PTPN13: variants seen among roughly 807,000 people sequenced by gnomAD.
PTPN13 encodes protein tyrosine phosphatase non-receptor type 13.
PTPN13 carries 191 observed loss-of-function variants against 284.0 expected under a neutral mutation model. The observed-to-expected ratio is 0.67, with a 90% CI of 0.60 to 0.76. PTPN13 has a LOEUF of 0.76. Among genes scored for constraint, PTPN13 ranks in the 30% least tolerant of loss-of-function variants. The pLI, the probability that PTPN13 is intolerant of heterozygous loss-of-function variation, is 0.00. For missense variants in PTPN13, 2,797 were observed against 2,939.9 expected (o/e 0.95, Z 1.12); for synonymous variants, 986 against 1,022.3 (o/e 0.96, Z 0.68).
At chr4:86,744,799 A>C (rs533314775) in intron 16 of PTPN13, among the ~76,000 whole-genome samples, 167 bp from the exon 17 acceptor site, 65 of 152,322 alleles carry the variant, frequency 4.3e-4, no homozygotes, top group African/African-American at 1.3e-3. Flanking sequence ...ACAATGACAA[A>C]ATCGCCTCAT....
chr4:86,664,187 C>T (rs575611129), intron 2 of PTPN13, among the ~76,000 whole-genome samples: 1 of 152,278 alleles, frequency 6.6e-6, no homozygotes, highest in East Asian at 1.9e-4. Context: ...TTCTTAATTA[C>T]CTTAAACTCC....
At chr4:86,699,156 G>A (rs1281590978) in intron 6 of PTPN13, among the ~76,000 whole-genome samples, 1 of 152,084 alleles carries the variant, frequency 6.6e-6, no homozygotes, top group African/African-American at 2.4e-5. Flanking sequence ...GGGAGGCTGA[G>A]GTGGGCAGAT....
At chr4:86,794,282 G>C (rs1743050521) in intron 40 of PTPN13, among the ~76,000 whole-genome samples, 2 of 152,046 alleles carry the variant, frequency 1.3e-5, no homozygotes, top group African/African-American at 4.8e-5. Context: ...AATCATGTGT[G>C]AACTCCCATT....
At position 86,711,189 on chromosome 4, in the gene PTPN13, A is replaced by G. The variant is rs114468434; in HGVS notation, c.1196-5341A>G. On this transcript the variant is annotated intron_variant, in intron 7 of 47. Transcript: ENST00000411767. ...GCTGTCTGAATAAAGGCAAGGAAAT[A>G]TAAAATGGCCTATAAATAGGTAGGT... Among the ~76,000 whole-genome samples, 837 of 148,740 alleles carry G rather than the reference A, an allele frequency of 5.6e-3. 5 individuals are homozygous for G. The highest frequency in any genetic ancestry group is 8.9e-3 in the Non-Finnish European group (602 of 67,546).
rs987461155 is a variant in PTPN13 at position 86,768,057 on chromosome 4, A to G, written c.4489+81A>G. On this transcript the variant is annotated intron_variant, in intron 28 of 47. Transcript: ENST00000411767. ...ATTTGATTTTTACATGTTGGATTAC[A>G]GTTAATGCCCTAGTTTTGTTCATTA... The G allele has an allele frequency of 1.3e-5, 16 of 1,272,614 alleles. No homozygotes were observed. In the East Asian group the frequency reaches 3.6e-4, roughly 28 times the overall value. The allele number at this position is 1,272,614 out of a possible 1,614,324, so 78.8% of individuals were successfully genotyped here.
In PTPN13 at chr4:86,775,596, G is replaced by A. The variant is rs1166313767; in HGVS notation, c.5835G>A (p.Glu1945=). Residue 1945 remains glutamate, a synonymous_variant, in exon 35 of 48, where the codon GAG becomes GAA. Transcript: ENST00000411767. ...TCAGCACACAAGGAATGACCTTGGA[G>A]GAAGTTAACAGAGCATTAGACATGT... ...NGVSTQGMTL[E]EVNRALDMSL... The A allele has an allele frequency of 5.0e-6, 8 of 1,613,362 alleles. No homozygotes were observed. The highest frequency in any genetic ancestry group is 2.2e-5 in the South Asian group (2 of 90,856).
At chr4:86,718,953 T>A (rs1316814287) in intron 9 of PTPN13, among the ~76,000 whole-genome samples, 1 of 152,178 alleles carries the variant, frequency 6.6e-6, no homozygotes, top group Non-Finnish European at 1.5e-5. Context: ...GAGACAAAGA[T>A]CTATGCTTTA....
chr4:86,808,175 G>C (rs1040896113), intron 45 of PTPN13, among the ~76,000 whole-genome samples: 4 of 152,188 alleles, frequency 2.6e-5, no homozygotes, highest in African/African-American at 9.7e-5. Context: ...CTTGGTGATA[G>C]CACAAAATGG....
intron 17 of PTPN13, 83 bp downstream of exon 17, chr4:86,745,211 TA>T (rs1420655772): frequency 2.3e-6 from 3 of 1,323,158 alleles, no homozygotes; most frequent in Non-Finnish European, 3.1e-6. Flanking sequence ...CTGCCATGAT[TA>T]GGATGAAAAC....
intron 2 of PTPN13, among the ~76,000 whole-genome samples, chr4:86,666,577 G>C (rs2148870897): frequency 6.6e-6 from 1 of 152,268 alleles, no homozygotes; most frequent in Non-Finnish European, 1.5e-5. Context: ...TTTATTCTAG[G>C]AGAAATATGT....
intron 2 of PTPN13, among the ~76,000 whole-genome samples, chr4:86,662,407 C>G (rs1276571893): frequency 6.6e-6 from 1 of 152,170 alleles, no homozygotes; most frequent in Non-Finnish European, 1.5e-5. Context: ...TCTCGGCTCA[C>G]TGTAACCCCC....
At chr4:86,774,674 A>G in intron 33 of PTPN13, 143 bp downstream of exon 33, 1 of 461,244 alleles carries the variant, frequency 2.2e-6, no homozygotes, top group South Asian at 8.7e-5. Flanking sequence ...AAAGGCCTTC[A>G]TATCGTTAAC....
chr4:86,680,837 G>A (rs1246871913), intron 3 of PTPN13, among the ~76,000 whole-genome samples: 1 of 152,122 alleles, frequency 6.6e-6, no homozygotes, highest in East Asian at 1.9e-4. Flanking sequence ...TCTTTGCATG[G>A]CAATGCCTTT....
rs746609416 is a variant in PTPN13, at chr4:86,770,096, C to T, written c.4705-5C>T. On this transcript the variant is annotated splice_region_variant and splice_polypyrimidine_tract_variant and intron_variant, in intron 29 of 47. Transcript: ENST00000411767. The stretch of plus-strand genomic sequence containing the variant: ...ACCTTCATTTGTCATTCATGGTACC[C>T]CCAGGAAGTCATATCTGCTCTCAGG... The T allele has an allele frequency of 6.2e-7, 1 of 1,613,028 alleles. No individual in the cohort carries two copies. Among genetic ancestry groups the T allele is most frequent in the African/African-American group, 1.3e-5 (1 of 74,852 alleles).
chr4:86,758,710 A>G lies in PTPN13; in HGVS notation c.3346A>G (p.Arg1116Gly), dbSNP rs774169450. 2.5e-6 allele frequency: 4 copies of G among 1,613,678 alleles called. No homozygotes were observed. ...FQIIGGEKMG[R>G]LDLGIFISSV... is the part of the protein sequence containing the mutation. ...AATTATTGGTGGGGAGAAGATGGGA[A>G]GACTGGACCTAGGCATATTTATCAG... is the stretch of plus-strand genomic sequence containing the variant. The change falls in exon 22 of 48, where the codon AGA becomes GGA. Residue 1116 changes from arginine (R) to glycine (G), a missense_variant. Arg to Gly is a moderately radical substitution (Grantham distance 125). Coordinates refer to ENST00000411767, the MANE Select transcript of PTPN13 (RefSeq NM_080683.3).
At chr4:86,770,272 G>A (rs1739836388) in intron 30 of PTPN13, 73 bp downstream of exon 30, 7 of 1,360,794 alleles carry the variant, frequency 5.1e-6, no homozygotes, top group African/African-American at 1.4e-5. Context: ...AGCTGTGGTG[G>A]TTTCATCATG....
intron 1 of PTPN13, among the ~76,000 whole-genome samples, chr4:86,595,454 T>G (rs983501456): frequency 6.6e-6 from 1 of 152,082 alleles, no homozygotes; most frequent in Non-Finnish European, 1.5e-5. Flanking sequence ...TAAACCAAAG[T>G]CAAGAAAATT....
At chr4:86,787,314 C>T (rs568285985) in intron 40 of PTPN13, among the ~76,000 whole-genome samples, 13 of 152,050 alleles carry the variant, frequency 8.5e-5, no homozygotes, top group African/African-American at 2.9e-4. Flanking sequence ...AAGTCCTAGC[C>T]GGGCATGGTG....
At chr4:86,623,810 T>C (rs1233623347) in intron 1 of PTPN13, among the ~76,000 whole-genome samples, 2 of 152,128 alleles carry the variant, frequency 1.3e-5, no homozygotes, top group Non-Finnish European at 2.9e-5. Flanking sequence ...CTTCCTTGAT[T>C]GTTATATTTT....
Sources: gnomAD v4.1 joint callset for allele counts (sites outside exome capture counted in the v4.1 genomes callset) on GRCh38, gnomAD v4.1.1 for gene constraint, MANE v1.5 for transcripts, NCBI Gene and HGNC (gene_info 2026-07-23, HGNC 2026-07-21) for gene names.